Variants in CEP131 observed in about 807,000 individuals in gnomAD.
CEP131 encodes centrosomal protein of 131 kDa.
A neutral mutation model predicts 136.8 loss-of-function variants in CEP131; 99 were observed. That is an observed-to-expected ratio of 0.72 (90% confidence interval 0.62 to 0.86). CEP131 has a LOEUF of 0.86. CEP131 is among the 40% of genes least tolerant of loss of function. The probability of loss-of-function intolerance (pLI) is 0.00; values close to 1 mark genes in which losing one functional copy is unlikely to be tolerated. For missense variants in CEP131, 1,459 were observed against 1,463.0 expected, an observed-to-expected ratio of 1.00 and a Z score of 0.04; for synonymous variants, 646 against 612.7, an observed-to-expected ratio of 1.05 and a Z score of -0.80.
chr17:81,197,865 TGTCA>T lies in CEP131; in HGVS notation c.1490_1493del (p.Leu497GlnfsTer33). 6.2e-7 allele frequency: 1 copy of T among 1,612,982 alleles called. No individual in the cohort carries two copies. Among genetic ancestry groups the T allele is most frequent in the Non-Finnish European group, 8.5e-7 (1 of 1,179,850 alleles). On this transcript the variant is annotated frameshift_variant, in exon 13 of 26. Transcript: ENST00000450824. LOFTEE classifies it high-confidence loss of function. Reference sequence around the variant, plus strand: ...TTCCAAATTTCTCCAAGTTGTCAGCTGTCAGAGAGCTGGCGTCATCCTCCTGTGG... The same window carrying T: ...TTCCAAATTTCTCCAAGTTGTCAGCTGAGAGCTGGCGTCATCCTCCTGTGG...
At chr17:81,210,361 G>A (rs1423727360) in intron 2 of CEP131, among the ~76,000 whole-genome samples, 6 of 152,152 alleles carry the variant, frequency 3.9e-5, no homozygotes, top group Non-Finnish European at 8.8e-5. Context: ...CACGAGGTCA[G>A]GAGATCAAGA....
intron 24 of CEP131, 21 bp downstream of exon 24, chr17:81,190,618 C>G (rs915306585): frequency 1.5e-5 from 24 of 1,551,820 alleles, no homozygotes; most frequent in Middle Eastern, 2.2e-4. Context: ...CGTCTCCAGC[C>G]CTGCAGCCCC....
At chr17:81,221,597 G>A (rs182259598) in intron 1 of CEP131, among the ~76,000 whole-genome samples, 54 of 152,206 alleles carry the variant, frequency 3.5e-4, no homozygotes, top group African/African-American at 1.2e-3. Context: ...GCTTGGCCCC[G>A]GCCAGTCCCC....
chr17:81,193,365 AG>A (rs1019504825), intron 18 of CEP131, among the ~76,000 whole-genome samples: 1 of 152,186 alleles, frequency 6.6e-6, no homozygotes, highest in Non-Finnish European at 1.5e-5. Flanking sequence ...GACAGGCAAC[AG>A]GGTGGATAGG....
rs763930786 is a variant in CEP131, at chr17:81,192,724, C to G, written c.2429+12G>C. On this transcript the variant is annotated intron_variant, in intron 19 of 25. Transcript: ENST00000450824. Reference sequence around the variant, plus strand: ...GGTCCCTGGGAGAGGGCGTGGTGCCCCCGGGCGGCACCTGGCTGCCTGCTG... The same window carrying G: ...GGTCCCTGGGAGAGGGCGTGGTGCCGCCGGGCGGCACCTGGCTGCCTGCTG... 1 of 1,537,664 alleles carries G rather than the reference C, an allele frequency of 6.5e-7. No individual in the cohort carries two copies. The highest frequency in any genetic ancestry group is 8.9e-7 in the Non-Finnish European group (1 of 1,128,900).
chr17:81,192,278 A>G (rs1359731769), intron 21 of CEP131, 40 bp downstream of exon 21: 2 of 1,531,572 alleles, frequency 1.3e-6, no homozygotes, highest in South Asian at 2.4e-5. Flanking sequence ...CACGCAGGGC[A>G]GCCCCCAACC....
At chr17:81,191,116 G>C in intron 22 of CEP131, 32 bp from the exon 23 acceptor site, 1 of 1,602,868 alleles carries the variant, frequency 6.2e-7, no homozygotes, top group Non-Finnish European at 8.5e-7. Context: ...GGTCACTCCA[G>C]CCCAGTCACA....
At chr17:81,202,912 C>A (rs1157962940) in intron 6 of CEP131, among the ~76,000 whole-genome samples, 1 of 151,524 alleles carries the variant, frequency 6.6e-6, no homozygotes, top group African/African-American at 2.4e-5. Context: ...TGCAGTAAGC[C>A]GAGATCATGC....
intron 8 of CEP131, 68 bp from the exon 9 acceptor site, chr17:81,199,903 T>C: frequency 1.3e-6 from 2 of 1,525,158 alleles, no homozygotes; most frequent in Non-Finnish European, 9.0e-7. Context: ...AGACCAGAGG[T>C]TTCCCCACAA....
At chr17:81,199,315 G>A in intron 10 of CEP131, 66 bp downstream of exon 10, 1 of 1,484,614 alleles carries the variant, frequency 6.7e-7, no homozygotes, top group Non-Finnish European at 9.0e-7. Flanking sequence ...AGGTCCACAA[G>A]GGCTGCACTT....
intron 2 of CEP131, among the ~76,000 whole-genome samples, chr17:81,217,092 A>G (rs1442346085): frequency 6.6e-6 from 1 of 152,200 alleles, no homozygotes; most frequent in Non-Finnish European, 1.5e-5. Context: ...TCTGTTCCCC[A>G]GTGAGCTTGT....
Position 81,208,415 on chromosome 17 carries a change from G to A in CEP131, c.272+513C>T, listed in dbSNP as rs925051062. Among the ~76,000 whole-genome samples the A allele has an allele frequency of 5.3e-5, 8 of 152,072 alleles. No individual in the cohort carries two copies. In the South Asian group the frequency reaches 6.2e-4, roughly 12 times the overall value. ...ACTCTGGGCTAGAGGATGTCCCCCC[G>A]GAGGCTGCTGGCCACCACCGGCTCC... On this transcript the variant is annotated intron_variant, in intron 3 of 25. Transcript: ENST00000450824. This position sits in a 1 kb window ranked among gnomAD's most constrained non-coding sequence, Gnocchi z 5.6.
At position 81,194,130 on chromosome 17, in the gene CEP131, G is replaced by T. The variant is rs773820319; in HGVS notation, c.2120-3C>A. 70 of 1,518,578 alleles carry T rather than the reference G, an allele frequency of 4.6e-5. 2 individuals are homozygous for T. The highest frequency in any genetic ancestry group is 1.7e-4 in the East Asian group (7 of 41,904). 94.1% of individuals were successfully genotyped at this position (1,518,578 alleles called of 1,614,324 possible). ...CTTCTGGATCTCGGGCTCCAGACCT[G>T]GGGGCGGGGCACCAGCTAGGGCCAC... On this transcript the variant is annotated splice_region_variant and splice_polypyrimidine_tract_variant and intron_variant, in intron 17 of 25. Coordinates refer to ENST00000450824, the MANE Select transcript of CEP131 (RefSeq NM_014984.4).
Position 81,190,002 on chromosome 17 carries a change from G to A in CEP131, c.3108-27C>T, listed in dbSNP as rs557501485. The A allele has an allele frequency of 8.8e-5, 140 of 1,584,018 alleles. No homozygotes were observed. The South Asian group carries it at 1.4e-3, about 16-fold the overall frequency. On this transcript the variant is annotated intron_variant, in intron 24 of 25. Transcript: ENST00000450824. Reference sequence around the variant, plus strand: ...TGTGGGTAGTACATGGTAGGCTTCAGTGTGGCCCCCGCCCCATGTCCCCAG... The same window carrying A: ...TGTGGGTAGTACATGGTAGGCTTCAATGTGGCCCCCGCCCCATGTCCCCAG...
chr17:81,195,751 C>T (rs1393548823), intron 16 of CEP131, 84 bp downstream of exon 16: 8 of 1,222,556 alleles, frequency 6.5e-6, no homozygotes, highest in Admixed American at 1.9e-5. Flanking sequence ...ACTCCAAGTC[C>T]GGTCCTGTTC....
At chr17:81,190,849 C>T (rs775726351) in intron 23 of CEP131, 47 bp from the exon 24 acceptor site, 15 of 1,590,454 alleles carry the variant, frequency 9.4e-6, no homozygotes, top group African/African-American at 2.7e-5. Flanking sequence ...CGACTGGCTG[C>T]GTGCATGCAG....
At chr17:81,201,481 G>A (rs1360607340) in intron 7 of CEP131, among the ~76,000 whole-genome samples, 1 of 152,188 alleles carries the variant, frequency 6.6e-6, no homozygotes, top group South Asian at 2.1e-4. Context: ...AGGAGGCTCC[G>A]CCCACAGCCC....
At chr17:81,199,655 C>G in intron 9 of CEP131, 64 bp downstream of exon 9, 1 of 1,598,590 alleles carries the variant, frequency 6.3e-7, no homozygotes, top group Non-Finnish European at 8.5e-7. Flanking sequence ...GGAGCCCCAG[C>G]AGCAGCCCCG....
intron 1 of CEP131, 45 bp from the exon 2 acceptor site, chr17:81,220,118 T>C: frequency 7.0e-7 from 1 of 1,428,330 alleles, no homozygotes; most frequent in Non-Finnish European, 9.2e-7. Flanking sequence ...GTGGGGGAAC[T>C]ACAGTCCCCT....
Sources: gnomAD v4.1 joint callset for allele counts (sites outside exome capture counted in the v4.1 genomes callset) on GRCh38, gnomAD v4.1.1 for gene constraint, Gnocchi (gnomAD v3.1) non-coding constraint, MANE v1.5 for transcripts, NCBI Gene and HGNC (gene_info 2026-07-23, HGNC 2026-07-21) for gene names.